Variants in CACNA2D3 observed in about 807,000 individuals in gnomAD.
CACNA2D3 encodes the protein voltage-dependent calcium channel subunit alpha-2/delta-3.
A neutral mutation model predicts 160.6 loss-of-function variants in CACNA2D3; 60 were observed. That is an observed-to-expected ratio of 0.37 (90% CI 0.30 to 0.46). The LOEUF (loss-of-function observed/expected upper bound fraction) is 0.46, where lower values mean the gene tolerates loss of function less well. Among genes scored for constraint, CACNA2D3 ranks in the 20% least tolerant of loss-of-function variants. CACNA2D3 has a pLI of 1.00. For missense variants in CACNA2D3, 1,205 were observed against 1,365.0 expected (o/e 0.88, Z 1.85); for synonymous variants, 558 against 492.9 (o/e 1.13, Z -1.75).
In CACNA2D3 at chr3:54,569,866, G is replaced by A. The variant is rs137869064; in HGVS notation, c.737+11G>A. 7,565 of 1,610,466 alleles carry A rather than the reference G, an allele frequency of 4.7e-3. 27 individuals carry two copies. The highest frequency in any genetic ancestry group is 5.7e-3 in the Non-Finnish European group (6,739 of 1,177,942). The stretch of plus-strand genomic sequence containing the variant: ...CAGGAACCGAAAATGGTAGGCAGTG[G>A]TCAGACCTCTTTGTTATTTCTCAAA... On this transcript the variant is annotated intron_variant, in intron 7 of 37. Coordinates refer to ENST00000474759, the MANE Select transcript of CACNA2D3 (RefSeq NM_018398.3).
chr3:54,880,669 A>C (rs1699773942), intron 20 of CACNA2D3, 127 bp from the exon 21 acceptor site: 2 of 842,112 alleles, frequency 2.4e-6, no homozygotes, highest in African/African-American at 1.7e-5. Flanking sequence ...GAAAGTAAAC[A>C]GTTGGAAAAA....
At chr3:54,255,423 G>A (rs1702273982) in intron 2 of CACNA2D3, among the ~76,000 whole-genome samples, 1 of 152,160 alleles carries the variant, frequency 6.6e-6, no homozygotes, top group African/African-American at 2.4e-5. Context: ...ACTGGCAAAT[G>A]TCCACACAAG....
At chr3:54,758,662 T>C (rs1055826218) in intron 12 of CACNA2D3, among the ~76,000 whole-genome samples, 2 of 152,176 alleles carry the variant, frequency 1.3e-5, no homozygotes, top group African/African-American at 4.8e-5. Context: ...ACACCATTGC[T>C]CATAGGGAAT....
At chr3:54,842,613 T>TA (rs968183618) in intron 16 of CACNA2D3, among the ~76,000 whole-genome samples, 1 of 151,346 alleles carries the variant, frequency 6.6e-6, no homozygotes, top group African/African-American at 2.4e-5. Context: ...TTTTCTTTTT[T>TA]TTTTTGAGAC....
chr3:55,019,315 A>T (rs1703397515), intron 35 of CACNA2D3, among the ~76,000 whole-genome samples: 2 of 151,982 alleles, frequency 1.3e-5, no homozygotes, highest in East Asian at 3.9e-4. Flanking sequence ...TTACTCTTGC[A>T]TACTAATTTT....
chr3:54,791,930 C>A (rs2106648813), intron 13 of CACNA2D3, among the ~76,000 whole-genome samples: 1 of 152,302 alleles, frequency 6.6e-6, no homozygotes, highest in Admixed American at 6.5e-5. Flanking sequence ...TGGTTCTAAA[C>A]AAAGCTCTGC....
intron 5 of CACNA2D3, among the ~76,000 whole-genome samples, chr3:54,554,816 G>C (rs955656320): frequency 3.3e-5 from 5 of 149,864 alleles, no homozygotes; most frequent in Non-Finnish European, 7.4e-5. Context: ...CATGGTGAAA[G>C]TTGGAAGCCC....
chr3:55,034,653 G>A (rs1234555362), intron 35 of CACNA2D3, among the ~76,000 whole-genome samples: 3 of 151,584 alleles, frequency 2.0e-5, no homozygotes, highest in African/African-American at 7.3e-5. Flanking sequence ...TTCAAAAATA[G>A]AACAATATTA....
At chr3:54,403,268 T>G (rs1286428758) in intron 4 of CACNA2D3, among the ~76,000 whole-genome samples, 1 of 151,568 alleles carries the variant, frequency 6.6e-6, no homozygotes, top group Non-Finnish European at 1.5e-5. Flanking sequence ...GGTGGAAGGG[T>G]GGCTTAAACC....
intron 14 of CACNA2D3, among the ~76,000 whole-genome samples, chr3:54,819,843 C>G (rs967634666): frequency 2.6e-5 from 4 of 152,004 alleles, no homozygotes; most frequent in African/African-American, 4.8e-5. Flanking sequence ...GACTCCACCT[C>G]AAAAAACACA....
chr3:54,728,208 T>C (rs1701314243), intron 11 of CACNA2D3, among the ~76,000 whole-genome samples: 1 of 152,152 alleles, frequency 6.6e-6, no homozygotes, highest in Non-Finnish European at 1.5e-5. Context: ...CTTTAAGAAT[T>C]CCAGTTATGT....
At chr3:54,425,159 G>A (rs1462215695) in intron 4 of CACNA2D3, among the ~76,000 whole-genome samples, 2 of 152,098 alleles carry the variant, frequency 1.3e-5, no homozygotes, top group African/African-American at 4.8e-5. Context: ...GTGAAACCCC[G>A]CCTTTACTAA....
At chr3:54,228,574 A>C (rs555778397) in intron 2 of CACNA2D3, among the ~76,000 whole-genome samples, 1 of 152,238 alleles carries the variant, frequency 6.6e-6, no homozygotes, top group African/African-American at 2.4e-5. Flanking sequence ...TGGGGATTCT[A>C]GTCTTTTATT....
intron 35 of CACNA2D3, among the ~76,000 whole-genome samples, chr3:55,031,933 T>C (rs1171912686): frequency 6.6e-6 from 1 of 152,172 alleles, no homozygotes; most frequent in African/African-American, 2.4e-5. Flanking sequence ...AAACAAATTA[T>C]ATATTTCACG....
At chr3:54,955,079 G>C (rs1008129086) in intron 27 of CACNA2D3, among the ~76,000 whole-genome samples, 3 of 152,182 alleles carry the variant, frequency 2.0e-5, no homozygotes, top group African/African-American at 7.2e-5. Context: ...TAGTAGGAGA[G>C]AAGACATACA....
At chr3:54,947,581 G>A (rs1701646850) in intron 27 of CACNA2D3, among the ~76,000 whole-genome samples, 1 of 152,122 alleles carries the variant, frequency 6.6e-6, no homozygotes, top group African/African-American at 2.4e-5. Context: ...TCCCCACAGT[G>A]GCCTGATGCC....
At chr3:55,038,797 C>G (rs533811448) in intron 35 of CACNA2D3, among the ~76,000 whole-genome samples, 1 of 144,526 alleles carries the variant, frequency 6.9e-6, no homozygotes, top group East Asian at 2.1e-4. Flanking sequence ...AGTCGTGGTT[C>G]TTGAGATAGT....
chr3:54,684,386 G>T (rs114817682), intron 11 of CACNA2D3, among the ~76,000 whole-genome samples: 409 of 152,244 alleles, frequency 2.7e-3, no homozygotes, highest in African/African-American at 9.5e-3. Context: ...CAGGTACTGG[G>T]GATTAGGACC....
chr3:54,141,725 G>A (rs1026310993), intron 2 of CACNA2D3, among the ~76,000 whole-genome samples: 3 of 152,156 alleles, frequency 2.0e-5, no homozygotes, highest in Non-Finnish European at 4.4e-5. Context: ...CACTTCATTT[G>A]TAGGGAGGAA....
Sources: allele counts gnomAD v4.1 joint callset (sites outside exome capture counted in the v4.1 genomes callset), GRCh38; gene constraint gnomAD v4.1.1; transcripts MANE v1.5; gene names NCBI Gene and HGNC (gene_info 2026-07-23, HGNC 2026-07-21).